Variants in PTPRD observed in about 807,000 individuals in gnomAD.
PTPRD encodes the protein receptor-type tyrosine-protein phosphatase delta.
PTPRD carries 34 observed loss-of-function variants against 214.5 expected under a neutral mutation model. That is an observed-to-expected ratio of 0.16 (90% CI 0.12 to 0.21). PTPRD has a LOEUF of 0.21. Among genes scored for constraint, PTPRD ranks in the 10% least tolerant of loss-of-function variants. The pLI, the probability that PTPRD is intolerant of heterozygous loss-of-function variation, is 1.00. For synonymous variants in PTPRD, 1,128 were observed against 845.7 expected (o/e 1.33, Z -5.79); for missense variants, 2,545 against 2,398.7 (o/e 1.06, Z -1.27).
intron 3 of PTPRD, among the ~76,000 whole-genome samples, chr9:10,272,404 T>G (rs1237144696): frequency 2.0e-5 from 3 of 152,248 alleles, no homozygotes; most frequent in African/African-American, 7.2e-5. Flanking sequence ...AGTGCATCTG[T>G]GAACATTTAC....
intron 9 of PTPRD, among the ~76,000 whole-genome samples, chr9:9,367,632 AGAAG>A (rs1225739573): frequency 1.3e-5 from 2 of 151,640 alleles, no homozygotes; most frequent in Admixed American, 6.6e-5. Flanking sequence ...GTAGATTGCC[AGAAG>A]TTAAATTTTT....
chr9:10,548,883 C>T (rs571131364), intron 2 of PTPRD, among the ~76,000 whole-genome samples: 5 of 152,242 alleles, frequency 3.3e-5, no homozygotes, highest in African/African-American at 9.6e-5. Context: ...ATCTTTAGGA[C>T]ACTGTTAATG....
At chr9:10,023,971 C>T (rs1049622133) in intron 4 of PTPRD, among the ~76,000 whole-genome samples, 1 of 149,688 alleles carries the variant, frequency 6.7e-6, no homozygotes, top group Non-Finnish European at 1.5e-5. Flanking sequence ...TTGATATGCT[C>T]TAATTATTTT....
intron 30 of PTPRD, among the ~76,000 whole-genome samples, chr9:8,477,008 G>C (rs2096778849): frequency 6.6e-6 from 1 of 151,832 alleles, no homozygotes; most frequent in Non-Finnish European, 1.5e-5. Flanking sequence ...AATCTCACAG[G>C]ACATTAAGAA....
intron 3 of PTPRD, among the ~76,000 whole-genome samples, chr9:10,233,271 T>C (rs1306711419): frequency 6.6e-6 from 1 of 151,992 alleles, no homozygotes; most frequent in African/African-American, 2.4e-5. Context: ...ACACAGAGGT[T>C]GCTAAAATTC....
intron 2 of PTPRD, among the ~76,000 whole-genome samples, chr9:10,427,030 T>G (rs1291762714): frequency 6.6e-6 from 1 of 152,088 alleles, no homozygotes; most frequent in Non-Finnish European, 1.5e-5. Context: ...TCTGTATTAT[T>G]GCTGCAAAGA....
chr9:10,106,772 A>T (rs1167989534), intron 3 of PTPRD, among the ~76,000 whole-genome samples: 2 of 152,038 alleles, frequency 1.3e-5, no homozygotes, highest in Non-Finnish European at 2.9e-5. Flanking sequence ...AGCAGGAAGA[A>T]CATCAGGCTA....
At chr9:8,761,328 GAAT>G (rs1441802702) in intron 11 of PTPRD, among the ~76,000 whole-genome samples, 1 of 152,130 alleles carries the variant, frequency 6.6e-6, no homozygotes, top group Non-Finnish European at 1.5e-5. Flanking sequence ...GTTAAATAAA[GAAT>G]AATTTGATAA....
In PTPRD at chr9:8,973,333, C is replaced by G. The variant is rs764423087; in HGVS notation, c.-104+45364G>C. On this transcript the variant is annotated intron_variant, in intron 11 of 45. Transcript: ENST00000381196. ...ACACAGGATTTAGTTTTCTGTTTCT[C>G]CATTAATTTGCTTAGGATAATGACC... Among the ~76,000 whole-genome samples, 8 of 151,924 alleles carry G rather than the reference C, an allele frequency of 5.3e-5. 1 individual carries two copies. The highest frequency in any genetic ancestry group is 1.9e-4 in the African/African-American group (8 of 41,402).
intron 11 of PTPRD, among the ~76,000 whole-genome samples, chr9:8,978,350 T>C (rs1233896714): frequency 6.6e-6 from 1 of 152,098 alleles, no homozygotes; most frequent in Non-Finnish European, 1.5e-5. Context: ...GGAGTACAAA[T>C]GCTCTGCACT....
In PTPRD at chr9:10,310,411, G is replaced by T. The variant is rs552211331; in HGVS notation, c.-545+30552C>A. Reference sequence around the variant, plus strand: ...CTTATCAAAAGAAAAAAAATTCAACGTTATCATTATTAGTCATGCCTATTT... The same window carrying T: ...CTTATCAAAAGAAAAAAAATTCAACTTTATCATTATTAGTCATGCCTATTT... On this transcript the variant is annotated intron_variant, in intron 3 of 45. Transcript: ENST00000381196. Among the ~76,000 whole-genome samples, 4 of 151,988 alleles carry T rather than the reference G, an allele frequency of 2.6e-5. 1 individual carries two copies. The highest frequency in any genetic ancestry group is 9.6e-5 in the African/African-American group (4 of 41,478).
chr9:10,055,678 T>C (rs2097621567), intron 3 of PTPRD, among the ~76,000 whole-genome samples: 1 of 152,052 alleles, frequency 6.6e-6, no homozygotes, highest in African/African-American at 2.4e-5. Flanking sequence ...TATGTGTATA[T>C]ATACTGAATT....
At chr9:9,855,820 C>CATG (rs1430032620) in intron 5 of PTPRD, among the ~76,000 whole-genome samples, 1 of 152,186 alleles carries the variant, frequency 6.6e-6, no homozygotes, top group African/African-American at 2.4e-5. Context: ...CCCCAGAGGG[C>CATG]ATGTTAGGGC....
At chr9:10,152,420 T>C (rs564976399) in intron 3 of PTPRD, among the ~76,000 whole-genome samples, 37 of 152,338 alleles carry the variant, frequency 2.4e-4, no homozygotes, top group African/African-American at 7.9e-4. Flanking sequence ...AAATCATTCA[T>C]CAGATATGTG....
chr9:9,016,404 T>TA (rs1340452746), intron 11 of PTPRD, among the ~76,000 whole-genome samples: 3 of 152,160 alleles, frequency 2.0e-5, no homozygotes, highest in African/African-American at 7.2e-5. Context: ...GTTATATTAC[T>TA]AACCCTTTAT....
chr9:9,810,980 G>A (rs2046959380), intron 5 of PTPRD, among the ~76,000 whole-genome samples: 1 of 151,974 alleles, frequency 6.6e-6, no homozygotes, highest in African/African-American at 2.4e-5. Context: ...GCTCACGTCT[G>A]TAATCCCAAC....
chr9:10,269,542 A>G lies in PTPRD; in HGVS notation c.-545+71421T>C, dbSNP rs551447917. Among the ~76,000 whole-genome samples, 274 of 152,324 alleles carry G rather than the reference A, an allele frequency of 1.8e-3. 2 individuals are homozygous for G. The highest frequency in any genetic ancestry group is 6.4e-3 in the African/African-American group (268 of 41,594). On this transcript the variant is annotated intron_variant, in intron 3 of 45. Coordinates refer to ENST00000381196, the MANE Select transcript of PTPRD (RefSeq NM_002839.4). ...TTTCTAAGAAAAGAGAGGGTGCTCT[A>G]CTGTTGCTTACACTTTTTTCTCTGC... is the stretch of plus-strand genomic sequence containing the variant.
At chr9:9,440,062 A>G (rs2086919954) in intron 8 of PTPRD, among the ~76,000 whole-genome samples, 1 of 152,208 alleles carries the variant, frequency 6.6e-6, no homozygotes, top group Admixed American at 6.5e-5. Flanking sequence ...AACCATAAAA[A>G]TTCCTTCAAC....
intron 9 of PTPRD, among the ~76,000 whole-genome samples, chr9:9,370,268 G>C (rs2059098042): frequency 6.6e-6 from 1 of 151,988 alleles, no homozygotes; most frequent in Non-Finnish European, 1.5e-5. Flanking sequence ...CCATTTGTTT[G>C]TGTCCTCTTT....
Sources: gnomAD v4.1 joint callset for allele counts (sites outside exome capture counted in the v4.1 genomes callset) on GRCh38, gnomAD v4.1.1 for gene constraint, MANE v1.5 for transcripts, NCBI Gene and HGNC (gene_info 2026-07-23, HGNC 2026-07-21) for gene names.